Variants in USP10 observed in about 807,000 individuals in gnomAD.
USP10 encodes the protein ubiquitin carboxyl-terminal hydrolase 10.
A neutral mutation model predicts 84.5 loss-of-function variants in USP10; 22 were observed. The ratio of observed to expected loss-of-function variants is 0.26; its 90% confidence interval spans 0.19 to 0.37. USP10 has a LOEUF of 0.37. Among genes scored for constraint, USP10 ranks in the 10% least tolerant of loss-of-function variants. The pLI is 1.00. For missense variants in USP10, 1,019 were observed against 998.9 expected (o/e 1.02, Z -0.27); for synonymous variants, 454 against 387.6 (o/e 1.17, Z -2.01).
intron 3 of USP10, among the ~76,000 whole-genome samples, chr16:84,744,055 G>T (rs1186088737): frequency 4.0e-5 from 6 of 151,428 alleles, no homozygotes; most frequent in Non-Finnish European, 8.9e-5. Flanking sequence ...CTTTGTTGTT[G>T]TTGTTGTTGT....
intron 11 of USP10, among the ~76,000 whole-genome samples, chr16:84,770,785 A>T (rs1017367324): frequency 1.3e-5 from 2 of 151,094 alleles, no homozygotes; most frequent in African/African-American, 4.9e-5. Flanking sequence ...AAAAAAAAAA[A>T]AAAAATCTCC....
At chr16:84,754,560 C>G (rs1176014022) in intron 4 of USP10, among the ~76,000 whole-genome samples, 2 of 152,134 alleles carry the variant, frequency 1.3e-5, no homozygotes, top group Non-Finnish European at 2.9e-5. Flanking sequence ...GAACAAACCA[C>G]TGGGTGGTGC....
intron 1 of USP10, among the ~76,000 whole-genome samples, chr16:84,713,088 A>G (rs950175438): frequency 6.6e-6 from 1 of 152,184 alleles, no homozygotes; most frequent in Non-Finnish European, 1.5e-5. Context: ...ATTATGTGTC[A>G]CCAGTGAACA....
At chr16:84,776,966 C>T (rs944624303) in intron 13 of USP10, among the ~76,000 whole-genome samples, 9 of 152,336 alleles carry the variant, frequency 5.9e-5, no homozygotes, top group Admixed American at 4.6e-4. Context: ...CTGTGCACCA[C>T]CACATCCAGC....
At chr16:84,771,828 A>G (rs942410781) in intron 11 of USP10, among the ~76,000 whole-genome samples, 7 of 152,146 alleles carry the variant, frequency 4.6e-5, no homozygotes, top group African/African-American at 7.2e-5. Context: ...AGATCGTACC[A>G]CTGTACTCCA....
intron 9 of USP10, among the ~76,000 whole-genome samples, chr16:84,763,747 T>A (rs1302247774): frequency 6.6e-6 from 1 of 151,920 alleles, no homozygotes; most frequent in Non-Finnish European, 1.5e-5. Flanking sequence ...CCAGTGGCAT[T>A]GCGCCTGTTG....
At chr16:84,727,959 A>T (rs1908721896) in intron 1 of USP10, among the ~76,000 whole-genome samples, 1 of 152,228 alleles carries the variant, frequency 6.6e-6, no homozygotes, top group Admixed American at 6.5e-5. Context: ...CACAGGATCC[A>T]GTCTAGGGTC....
rs370383030 is a variant in USP10, at chr16:84,764,939, A to AAATATATATATATATATAT, written c.1832+677_1832+678insATATATATATATATATATA. 2.3e-5 allele frequency among the ~76,000 whole-genome samples: 3 copies of AAATATATATATATATATAT among 132,268 alleles called. No individual in the cohort carries two copies. The East Asian group carries it at 7.4e-4, about 32-fold the overall frequency. The allele number at this position is 132,268 out of a possible 152,430, so 86.8% of individuals were successfully genotyped here. A position where few individuals can be genotyped will look rare whatever the true frequency, so the allele number is the denominator to read the frequency against. ...TAACCACGAGAGAGAGAGAAAAAAA[A>AAATATATATATATATATAT]ATATATATATATATATTAGACTTCA... On this transcript the variant is annotated intron_variant, in intron 10 of 13. Coordinates refer to ENST00000219473, the MANE Select transcript of USP10 (RefSeq NM_005153.3).
At chr16:84,774,848 T>TA (rs1431272232) in intron 12 of USP10, among the ~76,000 whole-genome samples, 1 of 152,224 alleles carries the variant, frequency 6.6e-6, no homozygotes, top group East Asian at 1.9e-4. Flanking sequence ...TTTTTGTTTT[T>TA]AAGTCAGCAG....
At chr16:84,717,874 T>A (rs565291467) in intron 1 of USP10, among the ~76,000 whole-genome samples, 1 of 152,376 alleles carries the variant, frequency 6.6e-6, no homozygotes, top group Non-Finnish European at 1.5e-5. Flanking sequence ...TCAGTTGCTA[T>A]TCTTGCCAAA....
chr16:84,737,627 A>C (rs991405465), intron 2 of USP10, among the ~76,000 whole-genome samples: 1 of 152,226 alleles, frequency 6.6e-6, no homozygotes, highest in East Asian at 1.9e-4. Context: ...TGAAGGTGGC[A>C]GTGTCATCTG....
chr16:84,749,556 ATAC>A (rs1380862385), intron 4 of USP10, among the ~76,000 whole-genome samples: 2 of 151,406 alleles, frequency 1.3e-5, no homozygotes, highest in Admixed American at 6.6e-5. Context: ...CCTGGGCAAC[ATAC>A]TGAGACCCCA....
intron 4 of USP10, among the ~76,000 whole-genome samples, chr16:84,751,113 T>C (rs79017354): frequency 0.069 from 10,447 of 152,260 alleles, 403 homozygotes; most frequent in Non-Finnish European, 0.075. Context: ...AGCTAAACAA[T>C]TTCTAGTGAC....
intron 13 of USP10, among the ~76,000 whole-genome samples, chr16:84,777,316 A>C (rs1915123255): frequency 6.6e-6 from 1 of 152,182 alleles, no homozygotes; most frequent in Admixed American, 6.5e-5. Context: ...TGGGAAAGAC[A>C]AGTTAGTAAA....
chr16:84,708,069 C>G (rs928964632), intron 1 of USP10, among the ~76,000 whole-genome samples: 2 of 152,040 alleles, frequency 1.3e-5, no homozygotes, highest in Non-Finnish European at 1.5e-5. Context: ...CAGAGCGAGA[C>G]TCTTACGTCA....
At chr16:84,778,348 C>T (rs1450628840) in intron 13 of USP10, among the ~76,000 whole-genome samples, 9 of 152,130 alleles carry the variant, frequency 5.9e-5, no homozygotes, top group Admixed American at 5.9e-4. Context: ...TTTAATATAC[C>T]ATAAGCGTAT....
chr16:84,740,747 C>G (rs1187909854), intron 3 of USP10, among the ~76,000 whole-genome samples: 1 of 152,252 alleles, frequency 6.6e-6, no homozygotes, highest in East Asian at 1.9e-4. Context: ...AGCCTGTGTT[C>G]TTTGTAAACT....
chr16:84,770,722 A>C (rs2150868838), intron 11 of USP10, among the ~76,000 whole-genome samples: 1 of 149,464 alleles, frequency 6.7e-6, no homozygotes, highest in African/African-American at 2.5e-5. Flanking sequence ...CAGTGAGCCG[A>C]GATAGCGCCA....
intron 1 of USP10, among the ~76,000 whole-genome samples, chr16:84,701,934 C>CTT (rs749796171): frequency 0.023 from 2,144 of 92,626 alleles, 132 homozygotes; most frequent in African/African-American, 0.032. Flanking sequence ...TAATTTTCTT[C>CTT]TTCTTTTTTT....
Sources: gnomAD v4.1 joint callset for allele counts (sites outside exome capture counted in the v4.1 genomes callset) on GRCh38, gnomAD v4.1.1 for gene constraint, MANE v1.5 for transcripts, NCBI Gene and HGNC (gene_info 2026-07-23, HGNC 2026-07-21) for gene names.